EXOC4: variants seen among roughly 807,000 people sequenced by gnomAD.
EXOC4 encodes exocyst complex component 4.
In EXOC4, 71 loss-of-function variants were observed where a neutral mutation model predicts 107.2. The ratio of observed to expected loss-of-function variants is 0.66; its 90% CI spans 0.55 to 0.81. EXOC4 has a LOEUF of 0.81. Among genes scored for constraint, EXOC4 ranks in the 30% least tolerant of loss-of-function variants. The pLI, the probability that EXOC4 is intolerant of heterozygous loss-of-function variation, is 0.00. For missense variants in EXOC4, 1,108 were observed against 1,189.6 expected (o/e 0.93, Z 1.01); for synonymous variants, 456 against 441.2 (o/e 1.03, Z -0.42).
intron 1 of EXOC4, among the ~76,000 whole-genome samples, chr7:133,262,207 C>T (rs373034102): frequency 5.5e-4 from 83 of 152,232 alleles, no homozygotes; most frequent in African/African-American, 1.9e-3. Context: ...TTCAGATGTG[C>T]TGTTTAAAGC....
At chr7:133,473,071 A>G (rs1163180092) in intron 7 of EXOC4, among the ~76,000 whole-genome samples, 3 of 152,202 alleles carry the variant, frequency 2.0e-5, no homozygotes, top group Non-Finnish European at 2.9e-5. Flanking sequence ...ATGCATTTAT[A>G]TACATCTTTC....
chr7:133,973,866 C>A (rs1793760237), intron 14 of EXOC4, among the ~76,000 whole-genome samples: 1 of 152,102 alleles, frequency 6.6e-6, no homozygotes. Context: ...GATGGGAAGT[C>A]CCAAATTGAG....
chr7:133,706,261 A>G (rs927549651), intron 10 of EXOC4, among the ~76,000 whole-genome samples: 14 of 152,220 alleles, frequency 9.2e-5, no homozygotes, highest in Non-Finnish European at 1.8e-4. Context: ...AAATTATTGT[A>G]CTAAAAATAT....
chr7:133,567,263 ATATT>A (rs1224941495), intron 9 of EXOC4, among the ~76,000 whole-genome samples: 1 of 151,936 alleles, frequency 6.6e-6, no homozygotes, highest in Non-Finnish European at 1.5e-5. Flanking sequence ...ATATATATAT[ATATT>A]CTTTTTTTTC....
intron 17 of EXOC4, among the ~76,000 whole-genome samples, chr7:134,016,733 A>G (rs1216958767): frequency 6.6e-6 from 1 of 152,228 alleles, no homozygotes; most frequent in Non-Finnish European, 1.5e-5. Context: ...AGCTGTTTAC[A>G]TAAATTTATT....
At chr7:133,716,147 T>C (rs1243928195) in intron 10 of EXOC4, among the ~76,000 whole-genome samples, 1 of 152,252 alleles carries the variant, frequency 6.6e-6, no homozygotes, top group Non-Finnish European at 1.5e-5. Context: ...TACTTAAGTA[T>C]TCTTTTTCTA....
intron 5 of EXOC4, among the ~76,000 whole-genome samples, chr7:133,325,718 T>C (rs1360837519): frequency 6.6e-6 from 1 of 152,194 alleles, no homozygotes; most frequent in African/African-American, 2.4e-5. Context: ...AGGATTATCT[T>C]TGTGGCATTC....
chr7:133,259,040 C>T (rs1303300524), intron 1 of EXOC4, among the ~76,000 whole-genome samples: 3 of 151,988 alleles, frequency 2.0e-5, no homozygotes, highest in African/African-American at 7.2e-5. Context: ...AAAGACGAGT[C>T]ATAGGAACAT....
chr7:133,340,886 T>C (rs935656777), intron 5 of EXOC4, among the ~76,000 whole-genome samples: 2 of 152,172 alleles, frequency 1.3e-5, no homozygotes, highest in African/African-American at 4.8e-5. Flanking sequence ...ATTTCGTGTC[T>C]AATTCAGTTT....
intron 10 of EXOC4, among the ~76,000 whole-genome samples, chr7:133,704,495 A>G (rs767880697): frequency 6.6e-6 from 1 of 152,204 alleles, no homozygotes; most frequent in Admixed American, 6.5e-5. Flanking sequence ...ACTGTTATTC[A>G]TAGCCTTCTT....
At chr7:133,417,317 T>C (rs1797500660) in intron 7 of EXOC4, among the ~76,000 whole-genome samples, 1 of 152,182 alleles carries the variant, frequency 6.6e-6, no homozygotes, top group Admixed American at 6.5e-5. Flanking sequence ...AATCATAGAA[T>C]ACACTGTCTT....
intron 11 of EXOC4, among the ~76,000 whole-genome samples, chr7:133,889,021 T>A (rs140850931): frequency 6.6e-6 from 1 of 152,356 alleles, no homozygotes; most frequent in East Asian, 1.9e-4. Context: ...ACATATGCTG[T>A]GTATGTGAAA....
chr7:133,375,867 A>G (rs1796478875), intron 7 of EXOC4, among the ~76,000 whole-genome samples: 1 of 152,216 alleles, frequency 6.6e-6, no homozygotes, highest in South Asian at 2.1e-4. Context: ...CTTTTTCTCC[A>G]TATGTGAGCA....
chr7:133,804,863 T>C (rs55759652), intron 10 of EXOC4, among the ~76,000 whole-genome samples: 18,208 of 152,204 alleles, frequency 0.12, 1,180 homozygotes, highest in Middle Eastern at 0.15. Context: ...TTCACCATCT[T>C]TCTTCCTTAT....
chr7:133,797,530 G>C (rs1796842041), intron 10 of EXOC4, among the ~76,000 whole-genome samples: 1 of 152,112 alleles, frequency 6.6e-6, no homozygotes, highest in South Asian at 2.1e-4. Flanking sequence ...TATTTCCTGG[G>C]ACCGCTAGAG....
At chr7:133,791,193 C>T (rs1796696554) in intron 10 of EXOC4, among the ~76,000 whole-genome samples, 2 of 152,162 alleles carry the variant, frequency 1.3e-5, no homozygotes, top group Non-Finnish European at 2.9e-5. Context: ...TCAGCAGCTG[C>T]CTGTTTAGGC....
chr7:133,796,801 T>C (rs2151190589), intron 10 of EXOC4, among the ~76,000 whole-genome samples: 1 of 152,290 alleles, frequency 6.6e-6, no homozygotes, highest in East Asian at 1.9e-4. Context: ...TTTGGGTTTA[T>C]TTAGAAGACA....
intron 10 of EXOC4, among the ~76,000 whole-genome samples, chr7:133,737,846 G>T (rs955588743): frequency 1.3e-5 from 2 of 150,794 alleles, no homozygotes; most frequent in Non-Finnish European, 3.0e-5. Flanking sequence ...TAGAAAGTTG[G>T]ACCCATATAC....
chr7:133,471,140 G>A (rs1017402675), intron 7 of EXOC4, among the ~76,000 whole-genome samples: 2 of 152,128 alleles, frequency 1.3e-5, no homozygotes, highest in Non-Finnish European at 2.9e-5. Context: ...GGCCGGGTGT[G>A]CTGGCTCACA....
Sources: allele counts gnomAD v4.1 joint callset (sites outside exome capture counted in the v4.1 genomes callset), GRCh38; gene constraint gnomAD v4.1.1; transcripts MANE v1.5; gene names NCBI Gene and HGNC (gene_info 2026-07-23, HGNC 2026-07-21).